Variants in CFAP299 observed in about 807,000 individuals in gnomAD.
CFAP299 encodes cilia- and flagella-associated protein 299.
A neutral mutation model predicts 27.0 loss-of-function variants in CFAP299; 21 were observed. The ratio of observed to expected loss-of-function variants is 0.78; its 90% confidence interval spans 0.55 to 1.12. CFAP299 has a LOEUF of 1.12. Ranked by LOEUF, CFAP299 falls within the 50% of genes most tolerant of loss-of-function variation. The probability of loss-of-function intolerance (pLI) is 0.00; values close to 1 mark genes in which losing one functional copy is unlikely to be tolerated. For synonymous variants in CFAP299, 104 were observed against 98.1 expected (o/e 1.06, Z -0.36); for missense variants, 310 against 276.6 (o/e 1.12, Z -0.86).
intron 4 of CFAP299, among the ~76,000 whole-genome samples, chr4:80,878,933 A>G (rs1733552479): frequency 1.3e-5 from 2 of 152,170 alleles, no homozygotes; most frequent in African/African-American, 2.4e-5. Context: ...CATTATTTCC[A>G]TGGAAAACTT....
At chr4:80,930,603 G>T (rs1215937020) in intron 4 of CFAP299, among the ~76,000 whole-genome samples, 3 of 152,076 alleles carry the variant, frequency 2.0e-5, no homozygotes, top group Non-Finnish European at 4.4e-5. Flanking sequence ...GCTGGTGTTT[G>T]GGGAAAACCT....
At chr4:80,800,409 AT>A in intron 3 of CFAP299, among the ~76,000 whole-genome samples, 1 of 60,596 alleles carries the variant, frequency 1.7e-5, no homozygotes, top group African/African-American at 8.2e-5. Flanking sequence ...ATATATATTG[AT>A]ATATTAATAT....
chr4:80,565,490 TAGAAAGGAC>T (rs2110227208), intron 2 of CFAP299, among the ~76,000 whole-genome samples: 1 of 152,170 alleles, frequency 6.6e-6, no homozygotes, highest in African/African-American at 2.4e-5. Flanking sequence ...AATAAAAGGG[TAGAAAGGAC>T]TCGGGGAGAT....
chr4:80,677,704 A>T (rs908618970), intron 3 of CFAP299, among the ~76,000 whole-genome samples: 1 of 152,058 alleles, frequency 6.6e-6, no homozygotes, highest in African/African-American at 2.4e-5. Context: ...AAAGATATTC[A>T]CTATTTTTTT....
chr4:80,675,998 G>A (rs1033096886), intron 3 of CFAP299, among the ~76,000 whole-genome samples: 1 of 152,070 alleles, frequency 6.6e-6, no homozygotes, highest in Non-Finnish European at 1.5e-5. Flanking sequence ...GTGCTTCTCA[G>A]GTGAGGCAAT....
At chr4:80,419,738 G>A (rs1465914964) in intron 2 of CFAP299, among the ~76,000 whole-genome samples, 2 of 152,100 alleles carry the variant, frequency 1.3e-5, no homozygotes, top group Non-Finnish European at 2.9e-5. Context: ...GGGATTGTTG[G>A]ATCATATGTT....
At chr4:80,486,415 G>A (rs1022671864) in intron 2 of CFAP299, among the ~76,000 whole-genome samples, 1 of 152,034 alleles carries the variant, frequency 6.6e-6, no homozygotes, top group African/African-American at 2.4e-5. Flanking sequence ...ATACAGAGAA[G>A]TTCTTGTTCA....
At chr4:80,928,594 C>T (rs1051052650) in intron 4 of CFAP299, among the ~76,000 whole-genome samples, 3 of 152,014 alleles carry the variant, frequency 2.0e-5, no homozygotes, top group Non-Finnish European at 4.4e-5. Flanking sequence ...AAGATATTTT[C>T]ATAGTCGTAA....
In CFAP299 at chr4:80,402,803, C is replaced by A. The variant is rs185122981; in HGVS notation, c.242+39919C>A. Among the ~76,000 whole-genome samples the A allele has an allele frequency of 1.1e-3, 172 of 152,272 alleles. 2 individuals carry two copies. The highest frequency in any genetic ancestry group is 0.011 in the Admixed American group (168 of 15,300). ...TCTATCTTCAGATTGTAGCCTCTTG[C>A]TTAGACATTATTCCATGTATTCTCA... On this transcript the variant is annotated intron_variant, in intron 2 of 5. Coordinates refer to ENST00000358105, the MANE Select transcript of CFAP299 (RefSeq NM_152770.3).
chr4:80,936,057 A>C (rs1163801731), intron 4 of CFAP299, among the ~76,000 whole-genome samples: 1 of 152,168 alleles, frequency 6.6e-6, no homozygotes, highest in Non-Finnish European at 1.5e-5. Flanking sequence ...AAAAGTCAAA[A>C]CAAAATTAGG....
chr4:80,783,257 C>T (rs1459252447), intron 3 of CFAP299, among the ~76,000 whole-genome samples: 2 of 152,092 alleles, frequency 1.3e-5, no homozygotes, highest in African/African-American at 4.8e-5. Context: ...CTCAGAAACA[C>T]TATGTCACTT....
chr4:80,892,630 T>G (rs1734365911), intron 4 of CFAP299, among the ~76,000 whole-genome samples: 1 of 152,076 alleles, frequency 6.6e-6, no homozygotes, highest in South Asian at 2.1e-4. Flanking sequence ...GAATAAAAAT[T>G]GTATGATTAT....
chr4:80,761,934 A>G (rs953043026), intron 3 of CFAP299, among the ~76,000 whole-genome samples: 1 of 152,034 alleles, frequency 6.6e-6, no homozygotes, highest in Non-Finnish European at 1.5e-5. Context: ...TAATTTTAGT[A>G]CAGAAATAGA....
intron 3 of CFAP299, among the ~76,000 whole-genome samples, chr4:80,763,496 G>A (rs2110079195): frequency 6.6e-6 from 1 of 152,184 alleles, no homozygotes; most frequent in East Asian, 1.9e-4. Flanking sequence ...TCATGTATAG[G>A]AAGAATCAAT....
At chr4:80,634,448 A>G (rs1739388540) in intron 3 of CFAP299, among the ~76,000 whole-genome samples, 1 of 148,300 alleles carries the variant, frequency 6.7e-6, no homozygotes, top group Admixed American at 6.9e-5. Flanking sequence ...TATTTACCTC[A>G]GAGTGTCATT....
chr4:80,691,797 A>G (rs948789273), intron 3 of CFAP299, among the ~76,000 whole-genome samples: 10 of 152,200 alleles, frequency 6.6e-5, no homozygotes, highest in African/African-American at 2.4e-4. Flanking sequence ...AGAAAACCCC[A>G]TTGTCTCAGC....
At chr4:80,931,829 G>C (rs1736636813) in intron 4 of CFAP299, among the ~76,000 whole-genome samples, 1 of 152,070 alleles carries the variant, frequency 6.6e-6, no homozygotes, top group African/African-American at 2.4e-5. Context: ...AGTGAAGTAA[G>C]CCAAGTTTTC....
chr4:80,331,445 A>G (rs1721937275), upstream of CFAP299, among the ~76,000 whole-genome samples: 1 of 152,224 alleles, frequency 6.6e-6, no homozygotes, highest in Non-Finnish European at 1.5e-5. Context: ...CCAGAAGAGT[A>G]TAGGGAAACC....
At chr4:80,386,318 C>T (rs1724985662) in intron 2 of CFAP299, 12 of 1,333,012 alleles carry the variant, frequency 9.0e-6, no homozygotes, top group Middle Eastern at 2.1e-4. Context: ...CTGTGCCCAC[C>T]GCACCACCCA....
Sources: gnomAD v4.1 joint callset for allele counts (sites outside exome capture counted in the v4.1 genomes callset) on GRCh38, gnomAD v4.1.1 for gene constraint, MANE v1.5 for transcripts, NCBI Gene and HGNC (gene_info 2026-07-23, HGNC 2026-07-21) for gene names.